The following PCDHGB7 variants were observed in gnomAD, a reference collection of about 807,000 sequenced individuals.
The protein encoded by PCDHGB7 is protocadherin gamma-B7.
PCDHGB7 carries 37 observed loss-of-function variants against 61.4 expected under a neutral mutation model. That is an observed-to-expected ratio of 0.60 (90% CI 0.46 to 0.79). The LOEUF is 0.79. Ranked by LOEUF, PCDHGB7 falls within the 30% of genes least tolerant of loss-of-function variation. The pLI is 0.00. For synonymous variants in PCDHGB7, 464 were observed against 503.5 expected, an observed-to-expected ratio of 0.92 and a Z score of 1.05; for missense variants, 1,166 against 1,202.5, an observed-to-expected ratio of 0.97 and a Z score of 0.45.
At chr5:141,497,741 G>A (rs767561907) in intron 2 of PCDHGB7, among the ~76,000 whole-genome samples, 24 of 152,050 alleles carry the variant, frequency 1.6e-4, no homozygotes, top group Non-Finnish European at 2.6e-4. Context: ...GTTTCGCCAC[G>A]TTGGCCAGGC....
Position 141,432,097 on chromosome 5 carries a change from C to T in PCDHGB7, c.2415+11823C>T, listed in dbSNP as rs1428283489. The stretch of plus-strand genomic sequence containing the variant: ...TCTCGCTGAACGTGGCAGACACCAA[C>T]GACAACCCGCCGGTCTTCCCTCAGG... On this transcript the variant is annotated intron_variant, in intron 1 of 3. Transcript: ENST00000398594. This position sits in a 1 kb window ranked among gnomAD's most constrained non-coding sequence, Gnocchi z 6.0. 6 of 1,614,066 alleles carry T rather than the reference C, an allele frequency of 3.7e-6. No individual in the cohort carries two copies. The highest frequency in any genetic ancestry group is 2.7e-5 in the African/African-American group (2 of 74,920).
In PCDHGB7 at chr5:141,489,116, C is replaced by A; in HGVS notation, c.2416-5691C>A. Reference sequence around the variant, plus strand: ...TAAGAACTGCTGCAAGCAGGCAAACCTCCGAGCAGTTTTTAAGAGGCTGGA... The same window carrying A: ...TAAGAACTGCTGCAAGCAGGCAAACATCCGAGCAGTTTTTAAGAGGCTGGA... On this transcript the variant is annotated intron_variant, in intron 1 of 3. Transcript: ENST00000398594. The surrounding 1 kb of genome is among the most constrained non-coding windows in gnomAD (Gnocchi z 4.5). 3.7e-6 allele frequency: 2 copies of A among 536,398 alleles called. No homozygotes were observed. The highest frequency in any genetic ancestry group is 6.2e-6 in the Non-Finnish European group (2 of 322,530). 33.2% of individuals were successfully genotyped at this position (536,398 alleles called of 1,614,324 possible).
intron 1 of PCDHGB7, 96 bp from the exon 2 acceptor site, chr5:141,494,711 A>G (rs757105958): frequency 6.3e-7 from 1 of 1,599,616 alleles, no homozygotes; most frequent in Non-Finnish European, 8.5e-7. Flanking sequence ...CTCTGTGCCC[A>G]CTCCCCTCCT....
At chr5:141,468,739 G>A (rs1167211344) in intron 1 of PCDHGB7, among the ~76,000 whole-genome samples, 5 of 152,000 alleles carry the variant, frequency 3.3e-5, no homozygotes, top group African/African-American at 1.2e-4. Context: ...GGTGGCGGGT[G>A]CCTGTAGTCC....
chr5:141,505,523 G>A, intron 3 of PCDHGB7, 42 bp downstream of exon 3: 1 of 1,612,760 alleles, frequency 6.2e-7, no homozygotes, highest in Middle Eastern at 1.7e-4. Flanking sequence ...GGGAGACCTG[G>A]GGTTCTGGGG....
chr5:141,423,572 G>T (rs1239529114), intron 1 of PCDHGB7: 2 of 1,613,510 alleles, frequency 1.2e-6, no homozygotes, highest in African/African-American at 1.3e-5. Context: ...ACGCTCATCA[G>T]CCAGGAGAGC....
chr5:141,420,460 A>G lies in PCDHGB7; in HGVS notation c.2415+186A>G, dbSNP rs946386638. On this transcript the variant is annotated intron_variant, in intron 1 of 3. Coordinates refer to ENST00000398594, the MANE Select transcript of PCDHGB7 (RefSeq NM_018927.4). ...AATGCCTCAGTCTTCCTACTATTCA[A>G]AGACATTTTAAAGCAAACTACATGG... The G allele has an allele frequency of 3.4e-6, 3 of 889,944 alleles. No individual in the cohort carries two copies. The African/African-American group carries it at 5.2e-5, about 16-fold the overall frequency. 55.1% of individuals were successfully genotyped at this position (889,944 alleles called of 1,614,324 possible).
In PCDHGB7 at chr5:141,493,930, A is replaced by G. The variant is rs547125826; in HGVS notation, c.2416-877A>G. Among the ~76,000 whole-genome samples the G allele has an allele frequency of 6.6e-6, 1 of 152,268 alleles. No homozygotes were observed. The highest frequency in any genetic ancestry group is 6.5e-5 in the Admixed American group (1 of 15,300). ...TGTGATGGGATAACACACCCCCTGG[A>G]AAGACCAGAAGGGACTCAGGAATGA... On this transcript the variant is annotated intron_variant, in intron 1 of 3. Transcript: ENST00000398594. This position sits in a 1 kb window ranked among gnomAD's most constrained non-coding sequence, Gnocchi z 4.3.
chr5:141,470,969 A>T (rs62379203), intron 1 of PCDHGB7, among the ~76,000 whole-genome samples: 1 of 151,298 alleles, frequency 6.6e-6, no homozygotes, highest in Non-Finnish European at 1.5e-5. Flanking sequence ...CTCCCACCTC[A>T]GCCTCCCAAA....
chr5:141,468,315 C>T (rs1197043569), intron 1 of PCDHGB7: 4 of 120,552 alleles, frequency 3.3e-5, no homozygotes, highest in Non-Finnish European at 5.0e-5. Context: ...ACAAGAGCAA[C>T]GGTAAACTCC....
intron 1 of PCDHGB7, among the ~76,000 whole-genome samples, chr5:141,454,743 G>A (rs1050167077): frequency 6.7e-6 from 1 of 149,684 alleles, no homozygotes; most frequent in African/African-American, 2.5e-5. Context: ...ATGAAAAGAG[G>A]CCAAACTAAT....
intron 1 of PCDHGB7, among the ~76,000 whole-genome samples, chr5:141,457,005 A>T (rs2098903361): frequency 6.6e-6 from 1 of 152,146 alleles, no homozygotes; most frequent in Admixed American, 6.5e-5. Flanking sequence ...TGCATTACTA[A>T]ATCCAATAAA....
chr5:141,426,297 G>T (rs1056504791), intron 1 of PCDHGB7: 3 of 171,478 alleles, frequency 1.7e-5, no homozygotes, highest in African/African-American at 7.1e-5. Context: ...TGGGAAACAG[G>T]GTGAAGCAGA....
Position 141,487,892 on chromosome 5 carries a change from T to A in PCDHGB7, c.2416-6915T>A. On this transcript the variant is annotated intron_variant, in intron 1 of 3. Coordinates refer to ENST00000398594, the MANE Select transcript of PCDHGB7 (RefSeq NM_018927.4). The surrounding 1 kb of genome is among the most constrained non-coding windows in gnomAD (Gnocchi z 5.0). The stretch of plus-strand genomic sequence containing the variant: ...GAGCCAGGCTGTTGTGGAAGCATGA[T>A]GATGGAATGTGGGAGCACAGGAGGC... 1 of 731,410 alleles carries A rather than the reference T, an allele frequency of 1.4e-6. No homozygotes were observed. Among genetic ancestry groups the A allele is most frequent in the South Asian group, 1.8e-5 (1 of 54,120 alleles). The allele number at this position is 731,410 out of a possible 1,614,324, so 45.3% of individuals were successfully genotyped here. A position where few individuals can be genotyped will look rare whatever the true frequency, so the allele number is the denominator to read the frequency against.
chr5:141,432,969 C>T lies in PCDHGB7; in HGVS notation c.2415+12695C>T, dbSNP rs754836894. On this transcript the variant is annotated intron_variant, in intron 1 of 3. Coordinates refer to ENST00000398594, the MANE Select transcript of PCDHGB7 (RefSeq NM_018927.4). The surrounding 1 kb of genome is among the most constrained non-coding windows in gnomAD (Gnocchi z 6.0). ...GGAGGCGGCTTGACAGGAGCGCCGG[C>T]GTCGCACTTTGTGGGCGTGGACGGG... The T allele has an allele frequency of 3.7e-6, 6 of 1,614,030 alleles. No individual in the cohort carries two copies. In the African/African-American group the frequency reaches 8.0e-5, roughly 22 times the overall value.
chr5:141,459,259 G>T (rs996530664), intron 1 of PCDHGB7, among the ~76,000 whole-genome samples: 1 of 152,140 alleles, frequency 6.6e-6, no homozygotes, highest in Non-Finnish European at 1.5e-5. Context: ...ATAAATTAGT[G>T]TTGCCTCTTT....
chr5:141,495,973 A>T, intron 2 of PCDHGB7, among the ~76,000 whole-genome samples: 1 of 146,986 alleles, frequency 6.8e-6, no homozygotes, highest in Admixed American at 6.8e-5. Flanking sequence ...TTTCTCTGTT[A>T]CTCTTTCTTT....
chr5:141,477,532 C>A lies in PCDHGB7; in HGVS notation c.2416-17275C>A. 6.2e-7 allele frequency: 1 copy of A among 1,614,146 alleles called. No individual in the cohort carries two copies. The highest frequency in any genetic ancestry group is 8.5e-7 in the Non-Finnish European group (1 of 1,180,028). ...TTTACATTGAAGAAAACAACCTCCC[C>A]GGGGCTCCAATACTAAACCTAAGTG... On this transcript the variant is annotated intron_variant, in intron 1 of 3. Coordinates refer to ENST00000398594, the MANE Select transcript of PCDHGB7 (RefSeq NM_018927.4). The surrounding 1 kb of genome is among the most constrained non-coding windows in gnomAD (Gnocchi z 4.9).
chr5:141,495,900 G>A (rs1403705200), intron 2 of PCDHGB7, among the ~76,000 whole-genome samples: 2 of 151,894 alleles, frequency 1.3e-5, no homozygotes, highest in East Asian at 1.9e-4. Context: ...CTTTGTCTCT[G>A]TCTCTGTATA....
Sources: allele counts gnomAD v4.1 joint callset (sites outside exome capture counted in the v4.1 genomes callset), GRCh38; gene constraint gnomAD v4.1.1; non-coding constraint Gnocchi (gnomAD v3.1); transcripts MANE v1.5; gene names NCBI Gene and HGNC (gene_info 2026-07-23, HGNC 2026-07-21).